Variants in NCOR2 observed in about 807,000 individuals in gnomAD.
NCOR2 encodes CTG repeat protein 26.
Under a neutral mutation model 262.9 loss-of-function variants are expected in NCOR2, and 81 were observed. The observed-to-expected ratio is 0.31, with a 90% confidence interval of 0.26 to 0.37. NCOR2 has a LOEUF of 0.37. Ranked by LOEUF, NCOR2 falls within the 10% of genes least tolerant of loss-of-function variation. The probability of loss-of-function intolerance (pLI) is 1.00; values close to 1 mark genes in which losing one functional copy is unlikely to be tolerated. For missense variants in NCOR2, 3,385 were observed against 3,621.4 expected (o/e 0.93, Z 1.68); for synonymous variants, 1,659 against 1,559.3 (o/e 1.06, Z -1.51).
At chr12:124,328,608 T>C (rs1168865795) in intron 44 of NCOR2, 4 of 152,974 alleles carry the variant, frequency 2.6e-5, no homozygotes, top group Non-Finnish European at 4.4e-5. Context: ...TCAGAACTTT[T>C]GTTAAACCAG....
In NCOR2 at chr12:124,482,519, G is replaced by A. The variant is rs1321972522; in HGVS notation, c.411+1077C>T. Among the ~76,000 whole-genome samples the A allele has an allele frequency of 2.6e-5, 4 of 152,156 alleles. No homozygotes were observed. Among genetic ancestry groups the A allele is most frequent in the East Asian group, 1.9e-4 (1 of 5,180 alleles). On this transcript the variant is annotated intron_variant, in intron 3 of 46. Transcript: ENST00000405201. This position sits in a 1 kb window ranked among gnomAD's most constrained non-coding sequence, Gnocchi z 6.3. ...CTCACGGGTGCCAAATAGTTCCCAC[G>A]CATGGGGCCCACAGCCGAGCCCTCT...
chr12:124,459,787 G>A (rs911868579), intron 5 of NCOR2, among the ~76,000 whole-genome samples: 2 of 152,046 alleles, frequency 1.3e-5, no homozygotes, highest in Admixed American at 6.5e-5. Context: ...TCACCTCCTC[G>A]GCTGCTGTCT....
At chr12:124,459,002 C>A (rs2046026735) in intron 5 of NCOR2, among the ~76,000 whole-genome samples, 1 of 152,140 alleles carries the variant, frequency 6.6e-6, no homozygotes, top group African/African-American at 2.4e-5. Flanking sequence ...ATGAATGAGA[C>A]CTGGCCCCTG....
In NCOR2 at chr12:124,523,900, G is replaced by A. The variant is rs982719085; in HGVS notation, c.-118+11665C>T. Among the ~76,000 whole-genome samples, 3 of 152,170 alleles carry A rather than the reference G, an allele frequency of 2.0e-5. No individual in the cohort carries two copies. The highest frequency in any genetic ancestry group is 4.4e-5 in the Non-Finnish European group (3 of 68,022). On this transcript the variant is annotated intron_variant, in intron 1 of 46. Transcript: ENST00000404621. The surrounding 1 kb of genome is among the most constrained non-coding windows in gnomAD (Gnocchi z 4.0). ...CAGCAAGTGTGAAACCCGCATCTAC[G>A]ACACTAACCACTAGACTATACTGTC...
At position 124,354,086 on chromosome 12, in the gene NCOR2, C is replaced by T; in HGVS notation, c.3693+7G>A. The stretch of plus-strand genomic sequence containing the variant: ...CCGTCCTTCCTGCCGCACCCCAGGA[C>T]ACCTACGTGGGTGATGGAGCCGCGG... On this transcript the variant is annotated splice_region_variant and intron_variant, in intron 27 of 46. Coordinates refer to ENST00000405201, the Ensembl canonical transcript of NCOR2. 1 of 1,606,510 alleles carries T rather than the reference C, an allele frequency of 6.2e-7. No individual in the cohort carries two copies. Among genetic ancestry groups the T allele is most frequent in the Non-Finnish European group, 8.5e-7 (1 of 1,178,386 alleles).
chr12:124,459,937 A>G (rs1012410644), intron 5 of NCOR2, among the ~76,000 whole-genome samples: 11 of 151,754 alleles, frequency 7.2e-5, no homozygotes, highest in African/African-American at 2.7e-4. Context: ...CTTTGCACCT[A>G]CCGTTCCCTG....
At chr12:124,345,230 G>A (rs2036818469) in intron 31 of NCOR2, among the ~76,000 whole-genome samples, 2 of 152,186 alleles carry the variant, frequency 1.3e-5, no homozygotes, top group African/African-American at 2.4e-5. Flanking sequence ...GCCGCGAGTG[G>A]TGGGCTCTCT....
intron 30 of NCOR2, among the ~76,000 whole-genome samples, chr12:124,347,172 C>A (rs1053160731): frequency 5.3e-5 from 8 of 152,184 alleles, no homozygotes; most frequent in Admixed American, 4.6e-4. Context: ...AGTTCGAGAC[C>A]AGCCTGGGCA....
intron 7 of NCOR2, among the ~76,000 whole-genome samples, chr12:124,439,248 CAGAG>C (rs2044645497): frequency 1.4e-5 from 2 of 144,748 alleles, no homozygotes; most frequent in Admixed American, 6.9e-5. Context: ...GACAGAGACC[CAGAG>C]AGAGAGAGAT....
intron 13 of NCOR2, among the ~76,000 whole-genome samples, chr12:124,407,044 G>A (rs2042313721): frequency 6.6e-6 from 1 of 152,182 alleles, no homozygotes; most frequent in Non-Finnish European, 1.5e-5. Flanking sequence ...AGGTCACACA[G>A]CATTTCCTAG....
intron 32 of NCOR2, 53 bp downstream of exon 34, chr12:124,344,544 A>G: frequency 7.2e-7 from 1 of 1,384,234 alleles, no homozygotes; most frequent in Non-Finnish European, 9.5e-7. Flanking sequence ...GGGGAGGCAC[A>G]GCTTCTCCAG....
chr12:124,473,781 T>C (rs913308391), intron 3 of NCOR2, among the ~76,000 whole-genome samples: 3 of 152,072 alleles, frequency 2.0e-5, no homozygotes, highest in Admixed American at 1.3e-4. Context: ...TTGACCAGTC[T>C]TGGGTATGTC....
At position 124,398,280 on chromosome 12, in the gene NCOR2, G is replaced by A. The variant is rs140305608; in HGVS notation, c.1814-99C>T. The A allele has an allele frequency of 4.3e-5, 58 of 1,335,202 alleles. No homozygotes were observed. The Middle Eastern group carries it at 1.0e-3, about 23-fold the overall frequency. The allele number at this position is 1,335,202 out of a possible 1,614,324, so 82.7% of individuals were successfully genotyped here. A position where few individuals can be genotyped will look rare whatever the true frequency, so the allele number is the denominator to read the frequency against. On this transcript the variant is annotated intron_variant, in intron 15 of 46. Transcript: ENST00000405201. The stretch of plus-strand genomic sequence containing the variant: ...TTGAGCCAGGGAGGGAGTAGACCAG[G>A]CCTTGACGGTGTCACCGCACGGCTC...
At position 124,341,809 on chromosome 12, in the gene NCOR2, G is replaced by A. The variant is rs770858663; in HGVS notation, c.5188+14C>T. The A allele has an allele frequency of 6.3e-7, 1 of 1,589,670 alleles. No homozygotes were observed. The highest frequency in any genetic ancestry group is 8.5e-7 in the Non-Finnish European group (1 of 1,170,744). ...AGGCCAAACCCAGCGGAGGTGGTCTGCCCACCCACTCACCTCGGGGACCCG... is the reference window on the plus strand; with the variant it reads ...AGGCCAAACCCAGCGGAGGTGGTCTACCCACCCACTCACCTCGGGGACCCG... On this transcript the variant is annotated intron_variant, in intron 34 of 46. Transcript: ENST00000405201.
At chr12:124,462,651 G>C (rs2046229366) in intron 5 of NCOR2, among the ~76,000 whole-genome samples, 1 of 152,342 alleles carries the variant, frequency 6.6e-6, no homozygotes, top group Non-Finnish European at 1.5e-5. Context: ...AGGATGCTGA[G>C]GCCACAGGAC....
At position 124,443,504 on chromosome 12, in the gene NCOR2, A is replaced by ATTT. The variant is rs2044959435; in HGVS notation, c.816-5511_816-5509dup. ...GTGGTGCTTTATTTATTTATTTTTT[A>ATTT]TTTTTTATTTTTTTGAGATGGAGTC... On this transcript the variant is annotated intron_variant, in intron 7 of 46. Coordinates refer to ENST00000405201, the Ensembl canonical transcript of NCOR2. This position sits in a 1 kb window ranked among gnomAD's most constrained non-coding sequence, Gnocchi z 4.4. 6.6e-6 allele frequency among the ~76,000 whole-genome samples: 1 copy of ATTT among 151,276 alleles called. No individual in the cohort carries two copies. Among genetic ancestry groups the ATTT allele is most frequent in the South Asian group, 2.1e-4 (1 of 4,764 alleles).
intron 27 of NCOR2, 111 bp from the exon 30 acceptor site, chr12:124,350,848 G>A (rs1258774236): frequency 7.2e-6 from 8 of 1,113,034 alleles, no homozygotes; most frequent in Non-Finnish European, 1.0e-5. Flanking sequence ...ATGCACACGC[G>A]TGTCCACACA....
intron 38 of NCOR2, chr12:124,336,048 A>C (rs915186606): frequency 1.1e-5 from 2 of 186,622 alleles, no homozygotes; most frequent in African/African-American, 2.3e-5. Flanking sequence ...CCTGGGCTAT[A>C]GCCTCGGCCA....
chr12:124,463,799 G>C (rs2046297237), intron 5 of NCOR2, among the ~76,000 whole-genome samples: 1 of 152,250 alleles, frequency 6.6e-6, no homozygotes, highest in Non-Finnish European at 1.5e-5. Flanking sequence ...TGGAGGCTCA[G>C]AGACTCAGCC....
Sources: allele counts gnomAD v4.1 joint callset (sites outside exome capture counted in the v4.1 genomes callset), GRCh38; gene constraint gnomAD v4.1.1; non-coding constraint Gnocchi (gnomAD v3.1); transcripts MANE v1.5; gene names NCBI Gene and HGNC (gene_info 2026-07-23, HGNC 2026-07-21).